Variants in LYST observed in about 807,000 individuals in gnomAD.
LYST encodes the protein lysosomal trafficking regulator, also known as lysosomal-trafficking regulator.
Under a neutral mutation model 413.6 loss-of-function variants are expected in LYST, and 192 were observed. The observed-to-expected ratio is 0.46, with a 90% CI of 0.41 to 0.52. The LOEUF (loss-of-function observed/expected upper bound fraction) is 0.52. LYST is among the 20% of genes least tolerant of loss of function. The pLI, the probability that LYST is intolerant of heterozygous loss-of-function variation, is 0.00. For synonymous variants in LYST, 1,525 were observed against 1,567.3 expected (o/e 0.97, Z 0.64); for missense variants, 3,815 against 4,499.9 (o/e 0.85, Z 4.35).
At chr1:235,831,403 C>G (rs1378678610) in intron 2 of LYST, among the ~76,000 whole-genome samples, 2 of 152,152 alleles carry the variant, frequency 1.3e-5, no homozygotes, top group African/African-American at 4.8e-5. Flanking sequence ...GGTTTTCTTT[C>G]TCTCTCGGGA....
chr1:235,694,235 G>A (rs1572013617), intron 46 of LYST, among the ~76,000 whole-genome samples: 1 of 151,732 alleles, frequency 6.6e-6, no homozygotes, highest in African/African-American at 2.4e-5. Context: ...GGCTGGTCTC[G>A]AACTCCTGAC....
chr1:235,687,204 A>G (rs1660287812), intron 47 of LYST, among the ~76,000 whole-genome samples, 157 bp from the exon 48 acceptor site: 1 of 152,234 alleles, frequency 6.6e-6, no homozygotes, highest in Non-Finnish European at 1.5e-5. Context: ...TTGAAACAGA[A>G]ACGTGTCAGA....
chr1:235,730,967 T>C (rs1664327511), intron 35 of LYST, 24 bp from the exon 36 acceptor site: 1 of 1,605,288 alleles, frequency 6.2e-7, no homozygotes, highest in African/African-American at 1.3e-5. Flanking sequence ...AAGTAAATAT[T>C]ATCTTTATCT....
chr1:235,741,358 G>T, intron 31 of LYST, 64 bp downstream of exon 31: 1 of 1,316,710 alleles, frequency 7.6e-7, no homozygotes, highest in Non-Finnish European at 1.1e-6. Flanking sequence ...TTCAGTTCTT[G>T]TTTTATTCAG....
At chr1:235,700,726 G>A (rs1234545079) in intron 45 of LYST, among the ~76,000 whole-genome samples, 1 of 152,174 alleles carries the variant, frequency 6.6e-6, no homozygotes, top group Non-Finnish European at 1.5e-5. Context: ...ACACAGAAAT[G>A]CAGCAAACCA....
chr1:235,847,508 G>A (rs1243564488), intron 1 of LYST, among the ~76,000 whole-genome samples: 1 of 152,066 alleles, frequency 6.6e-6, no homozygotes, highest in African/African-American at 2.4e-5. Flanking sequence ...CAAAAGTACA[G>A]AGGCAACAAG....
chr1:235,672,631 T>C (rs1659036850), intron 50 of LYST, among the ~76,000 whole-genome samples: 1 of 152,202 alleles, frequency 6.6e-6, no homozygotes, highest in African/African-American at 2.4e-5. Flanking sequence ...TAAGATCATG[T>C]AGAACTTTCC....
chr1:235,677,496 T>G lies in LYST; in HGVS notation c.10924A>C (p.Ile3642Leu), dbSNP rs1659475185. 3.1e-6 allele frequency: 5 copies of G among 1,613,850 alleles called. No homozygotes were observed. Among genetic ancestry groups the G allele is most frequent in the Non-Finnish European group, 4.2e-6 (5 of 1,179,818 alleles). ...ISVSRDGTCIIWDLNRLCYVQ... is the reference protein window; with the variant it reads ...ISVSRDGTCILWDLNRLCYVQ... ...CTTCTGTACCTGTTTAAATCCCATA[T>G]GATGCAGGTTCCGTCTCTGCTCACA... Residue 3642 changes from isoleucine (I) to leucine (L), a missense_variant, in exon 49 of 53, where the codon ATA (isoleucine) becomes CTA (leucine). This residue lies in a region of LYST where 866 missense variants were observed against 1,156.0 expected (regional missense o/e 0.75). Transcript: ENST00000389793.
chr1:235,814,740 T>G (rs186846479), intron 3 of LYST, among the ~76,000 whole-genome samples: 1 of 150,508 alleles, frequency 6.6e-6, no homozygotes, highest in Non-Finnish European at 1.5e-5. Context: ...TTCAGACTAC[T>G]CCTTCTGGTG....
intron 24 of LYST, 66 bp from the exon 25 acceptor site, chr1:235,755,713 T>A: frequency 1.2e-6 from 1 of 857,974 alleles, no homozygotes; most frequent in South Asian, 1.4e-5. Context: ...TACAAATCAG[T>A]GTAACACAAC....
chr1:235,701,737 A>C (rs911454779), intron 45 of LYST, among the ~76,000 whole-genome samples: 1 of 152,236 alleles, frequency 6.6e-6, no homozygotes, highest in Non-Finnish European at 1.5e-5. Context: ...GAAAACAAAA[A>C]ATATAGTTTT....
chr1:235,713,714 T>C (rs1389446604), intron 42 of LYST, among the ~76,000 whole-genome samples: 1 of 152,188 alleles, frequency 6.6e-6, no homozygotes. Context: ...AAACGAATTA[T>C]GCAGCTCGAA....
At position 235,806,699 on chromosome 1, in the gene LYST, G is replaced by A; in HGVS notation, c.2437C>T (p.Arg813Ter). Residue 813 changes from arginine (R) to a stop codon, truncating the protein, a stop_gained, in exon 6 of 53, where the codon CGA (arginine) becomes TGA (stop). Transcript: ENST00000389793. LOFTEE classifies it high-confidence loss of function. ...TCAAATGCTTTTAGAGAATGACTTC[G>A]AATACCATTTAAGCAATTTAATTCG... ...IIELNCLNGI[R>*]SHSLKAFETL... 2 of 1,612,864 alleles carry A rather than the reference G, an allele frequency of 1.2e-6. No individual in the cohort carries two copies. Among genetic ancestry groups the A allele is most frequent in the Non-Finnish European group, 1.7e-6 (2 of 1,179,086 alleles).
intron 31 of LYST, chr1:235,736,666 G>C (rs988533915): frequency 6.6e-6 from 1 of 152,078 alleles, no homozygotes; most frequent in African/African-American, 2.4e-5. Flanking sequence ...GCTGTGAAAA[G>C]GCATAAAGAA....
At position 235,725,088 on chromosome 1, in the gene LYST, A is replaced by G. The variant is rs1182746465; in HGVS notation, c.9163-908T>C. On this transcript the variant is annotated intron_variant, in intron 38 of 52. Coordinates refer to ENST00000389793, the MANE Select transcript of LYST (RefSeq NM_000081.4). ...AGATTGCTTCAGAAAGCTAAAACCT[A>G]GGAAGGGATTTGTTCCTAATGAAAG... 2.0e-5 allele frequency among the ~76,000 whole-genome samples: 3 copies of G among 152,230 alleles called. No individual in the cohort carries two copies. In the East Asian group the frequency reaches 5.8e-4, roughly 29 times the overall value.
intron 23 of LYST, 148 bp from the exon 24 acceptor site, chr1:235,757,606 T>G (rs1305571775): frequency 1.4e-6 from 1 of 692,838 alleles, no homozygotes; most frequent in Non-Finnish European, 2.6e-6. Flanking sequence ...TAACTGTGAT[T>G]AACAAATTTA....
At position 235,773,812 on chromosome 1, in the gene LYST, A is replaced by C. The variant is rs529848533; in HGVS notation, c.5784+30T>G. On this transcript the variant is annotated intron_variant, in intron 19 of 52. Transcript: ENST00000389793. ...GTGTTATATGCATTTTACCACAATA[A>C]AAAATGGAAAAAAAGTACATATTAC... 7 of 1,596,206 alleles carry C rather than the reference A, an allele frequency of 4.4e-6. No individual in the cohort carries two copies. In the South Asian group the frequency reaches 6.6e-5, roughly 15 times the overall value.
intron 11 of LYST, among the ~76,000 whole-genome samples, chr1:235,792,934 G>A (rs1671174148): frequency 6.6e-6 from 1 of 152,176 alleles, no homozygotes; most frequent in African/African-American, 2.4e-5. Flanking sequence ...AAAGTGCTGG[G>A]ATTACAGGTA....
intron 34 of LYST, among the ~76,000 whole-genome samples, chr1:235,732,299 ACTTT>A (rs761922531): frequency 2.6e-5 from 4 of 152,074 alleles, no homozygotes; most frequent in Admixed American, 6.6e-5. Context: ...TTTTATGTTT[ACTTT>A]CTTTTTCTTT....
Sources: gnomAD v4.1 joint callset for allele counts (sites outside exome capture counted in the v4.1 genomes callset) on GRCh38, gnomAD v4.1.1 for gene constraint, gnomAD v4.1.1 regional missense constraint, MANE v1.5 for transcripts, NCBI Gene and HGNC (gene_info 2026-07-23, HGNC 2026-07-21) for gene names.